Variants in IGF1R observed in about 807,000 individuals in gnomAD.
IGF1R encodes the protein insulin-like growth factor 1 receptor.
Under a neutral mutation model 144.6 loss-of-function variants are expected in IGF1R, and 44 were observed. The observed-to-expected ratio is 0.30, with a 90% CI of 0.24 to 0.39. The LOEUF (loss-of-function observed/expected upper bound fraction) is 0.39, where lower values mean the gene tolerates loss of function less well. IGF1R is among the 10% of genes least tolerant of loss of function. The probability of loss-of-function intolerance (pLI) is 1.00; values close to 1 mark genes in which losing one functional copy is unlikely to be tolerated. For missense variants in IGF1R, 1,355 were observed against 1,833.7 expected, an observed-to-expected ratio of 0.74 and a Z score of 4.77; for synonymous variants, 795 against 722.8, an observed-to-expected ratio of 1.10 and a Z score of -1.60.
At chr15:98,658,470 A>T (rs1247642643) in intron 1 of IGF1R, among the ~76,000 whole-genome samples, 2 of 152,242 alleles carry the variant, frequency 1.3e-5, no homozygotes, top group Non-Finnish European at 2.9e-5. Context: ...CTTTTCTAAC[A>T]GGTTTAGAAA....
chr15:98,851,226 G>A (rs2011515669), intron 2 of IGF1R, among the ~76,000 whole-genome samples: 1 of 152,172 alleles, frequency 6.6e-6, no homozygotes, highest in South Asian at 2.1e-4. Context: ...GGAGAGGAGG[G>A]GGTGCTTTAC....
intron 2 of IGF1R, among the ~76,000 whole-genome samples, chr15:98,761,561 G>C (rs2055295775): frequency 6.6e-6 from 1 of 152,220 alleles, no homozygotes; most frequent in Non-Finnish European, 1.5e-5. Flanking sequence ...CCTGTGTGCA[G>C]GTACTACCAC....
chr15:98,824,195 T>G (rs1002547771), intron 2 of IGF1R: 1 of 152,202 alleles, frequency 6.6e-6, no homozygotes, highest in African/African-American at 2.4e-5. Context: ...AGAGAGCAAA[T>G]GCACATCCCT....
At chr15:98,726,534 A>G (rs1486547420) in intron 2 of IGF1R, among the ~76,000 whole-genome samples, 4 of 152,096 alleles carry the variant, frequency 2.6e-5, no homozygotes, top group African/African-American at 9.7e-5. Context: ...CCACCTTTAT[A>G]TGAGCGGAGA....
At chr15:98,696,986 AG>A (rs2053610609) in intron 1 of IGF1R, among the ~76,000 whole-genome samples, 1 of 152,150 alleles carries the variant, frequency 6.6e-6, no homozygotes, top group African/African-American at 2.4e-5. Context: ...TGCTTGGATG[AG>A]CGTGCAGTGG....
chr15:98,940,922 A>G (rs2016342340), intron 18 of IGF1R, among the ~76,000 whole-genome samples: 1 of 152,194 alleles, frequency 6.6e-6, no homozygotes, highest in African/African-American at 2.4e-5. Context: ...AGAAGTCCCA[A>G]GAGGCCGTCC....
At chr15:98,938,319 G>A (rs2151712380) in intron 17 of IGF1R, among the ~76,000 whole-genome samples, 1 of 152,374 alleles carries the variant, frequency 6.6e-6, no homozygotes, top group African/African-American at 2.4e-5. Flanking sequence ...ATGCTTTGTG[G>A]TCAAGAAAAC....
At chr15:98,696,026 CT>C (rs11306652) in intron 1 of IGF1R, among the ~76,000 whole-genome samples, 97,258 of 115,616 alleles carry the variant, frequency 0.84, 40,446 homozygotes, top group East Asian at 0.96. Context: ...ACTTTTTCTT[CT>C]TTTTTTTTTT....
At chr15:98,788,034 ATCTCTCTCTC>A (rs33910472) in intron 2 of IGF1R, among the ~76,000 whole-genome samples, 28 of 133,862 alleles carry the variant, frequency 2.1e-4, no homozygotes, top group Non-Finnish European at 2.9e-4. Context: ...GTGGGTAGGG[ATCTCTCTCTC>A]TCTCTCTCTC....
At chr15:98,728,824 G>A (rs1488791549) in intron 2 of IGF1R, among the ~76,000 whole-genome samples, 1 of 152,244 alleles carries the variant, frequency 6.6e-6, no homozygotes, top group East Asian at 1.9e-4. Context: ...CCTATGACAA[G>A]AAAGCTCTTT....
chr15:98,673,908 A>G (rs748541312), intron 1 of IGF1R, among the ~76,000 whole-genome samples: 111 of 152,002 alleles, frequency 7.3e-4, no homozygotes, highest in Non-Finnish European at 1.4e-3. Context: ...TGAACTTTCC[A>G]CTGTGGTTGT....
chr15:98,723,477 A>G (rs1315355927), intron 2 of IGF1R, among the ~76,000 whole-genome samples: 1 of 152,258 alleles, frequency 6.6e-6, no homozygotes, highest in African/African-American at 2.4e-5. Context: ...GAAATATTAA[A>G]TTGATTGCAT....
chr15:98,794,867 T>G (rs2056202995), intron 2 of IGF1R, among the ~76,000 whole-genome samples: 1 of 152,212 alleles, frequency 6.6e-6, no homozygotes, highest in Non-Finnish European at 1.5e-5. Flanking sequence ...CCTTAACCAC[T>G]GCTGCTGTGG....
At chr15:98,930,368 G>A in intron 15 of IGF1R, 63 bp downstream of exon 15, 3 of 1,195,994 alleles carry the variant, frequency 2.5e-6, no homozygotes, top group Non-Finnish European at 3.7e-6. Context: ...GCTTTCAGGA[G>A]GGTTGCTAAT....
At chr15:98,824,873 G>A (rs1470963280) in intron 2 of IGF1R, among the ~76,000 whole-genome samples, 2 of 148,234 alleles carry the variant, frequency 1.3e-5, no homozygotes, top group Non-Finnish European at 3.0e-5. Flanking sequence ...TTCTCGCTCT[G>A]TCACCCATGC....
intron 2 of IGF1R, among the ~76,000 whole-genome samples, chr15:98,830,125 G>A (rs1449576888): frequency 2.0e-5 from 3 of 152,122 alleles, no homozygotes; most frequent in Non-Finnish European, 4.4e-5. Context: ...CAGACCCTTC[G>A]AGATCAGCTT....
intron 2 of IGF1R, among the ~76,000 whole-genome samples, chr15:98,840,010 T>C (rs968221887): frequency 2.0e-5 from 3 of 152,222 alleles, no homozygotes; most frequent in Admixed American, 6.5e-5. Flanking sequence ...TTTTTTCAGG[T>C]GTCTTCTGAA....
intron 1 of IGF1R, among the ~76,000 whole-genome samples, chr15:98,682,126 C>T (rs1365418731): frequency 6.6e-6 from 1 of 152,170 alleles, no homozygotes; most frequent in Non-Finnish European, 1.5e-5. Context: ...AGGGCAGGAC[C>T]TGCCACCATT....
intron 1 of IGF1R, among the ~76,000 whole-genome samples, chr15:98,668,385 A>C (rs1054344883): frequency 6.6e-6 from 1 of 152,164 alleles, no homozygotes; most frequent in East Asian, 1.9e-4. Context: ...TCTCTATGGA[A>C]GTTCTTGGCC....
Sources: allele counts gnomAD v4.1 joint callset (sites outside exome capture counted in the v4.1 genomes callset), GRCh38; gene constraint gnomAD v4.1.1; transcripts MANE v1.5; gene names NCBI Gene and HGNC (gene_info 2026-07-23, HGNC 2026-07-21).